The following DUOXA2 variants were observed in gnomAD, a reference collection of about 807,000 sequenced individuals.
DUOXA2 encodes the protein dual oxidase maturation factor 2.
In DUOXA2, 22 loss-of-function variants were observed where a neutral mutation model predicts 27.6. The observed-to-expected ratio is 0.80, with a 90% confidence interval of 0.57 to 1.14. The LOEUF is 1.14. Ranked by LOEUF, DUOXA2 falls within the 50% of genes most tolerant of loss-of-function variation. The pLI, the probability that DUOXA2 is intolerant of heterozygous loss-of-function variation, is 0.00. For synonymous variants in DUOXA2, 188 were observed against 184.4 expected (o/e 1.02, Z -0.16); for missense variants, 481 against 419.9 (o/e 1.15, Z -1.27).
In DUOXA2 at chr15:45,116,215, C is replaced by CA; in HGVS notation, c.297_298insA (p.Arg100ThrfsTer10). On this transcript the variant is annotated frameshift_variant, in exon 3 of 6. Coordinates refer to ENST00000323030, the MANE Select transcript of DUOXA2 (RefSeq NM_207581.4). LOFTEE classifies it high-confidence loss of function. Reference sequence around the variant, plus strand: ...GCGCAGCGCGCGTTACAGCCCGTGTCCGTCTGCTCGTGGGCCTGGAGGGCA... The same window carrying CA: ...GCGCAGCGCGCGTTACAGCCCGTGTCACGTCTGCTCGTGGGCCTGGAGGGCA... 2 of 1,614,136 alleles carry CA rather than the reference C, an allele frequency of 1.2e-6. No individual in the cohort carries two copies. The highest frequency in any genetic ancestry group is 1.7e-6 in the Non-Finnish European group (2 of 1,180,038).
chr15:45,115,101 G>T (rs1167378018), intron 1 of DUOXA2, among the ~76,000 whole-genome samples: 3 of 152,162 alleles, frequency 2.0e-5, no homozygotes, highest in Non-Finnish European at 4.4e-5. Flanking sequence ...CATCCGGTGG[G>T]TGATGACCTT....
At chr15:45,117,057 C>T in intron 4 of DUOXA2, 34 bp from the exon 5 acceptor site, 2 of 1,591,776 alleles carry the variant, frequency 1.3e-6, no homozygotes, top group East Asian at 4.5e-5. Flanking sequence ...CTGGGAGAAG[C>T]CCGCTCACAG....
chr15:45,117,731 T>A lies in DUOXA2; in HGVS notation c.785T>A (p.Phe262Tyr). Reference protein sequence around the residue: ...VTLATGVLCLFLGGAVVSLQY... With the variant: ...VTLATGVLCLYLGGAVVSLQY... ...ACCGCCACAGGCGTCCTGTGCCTCT[T>A]CCTCGGAGGGGCCGTGGTGAGTCTC... The change falls in exon 6 of 6, where the codon TTC becomes TAC. Residue 262 changes from phenylalanine to tyrosine, a missense_variant. Physicochemically the swap from Phe to Tyr is conservative, Grantham distance 22 (BLOSUM62 3). Transcript: ENST00000323030. 6.2e-7 allele frequency: 1 copy of A among 1,612,966 alleles called. No homozygotes were observed. Among genetic ancestry groups the A allele is most frequent in the Non-Finnish European group, 8.5e-7 (1 of 1,179,096 alleles).
At chr15:45,116,435 AC>A in intron 3 of DUOXA2, 80 bp from the exon 4 acceptor site, 2 of 1,576,274 alleles carry the variant, frequency 1.3e-6, no homozygotes. Context: ...AGAGCGCCAC[AC>A]CCCCACTTTC....
chr15:45,115,478 C>T (rs763081569), intron 1 of DUOXA2: 2 of 557,872 alleles, frequency 3.6e-6, no homozygotes, highest in African/African-American at 3.7e-5. Context: ...CCTCACCAAG[C>T]AGTGACTGGA....
Position 45,114,366 on chromosome 15 carries a change from A to G in DUOXA2, c.-240A>G, listed in dbSNP as rs1013774801. On this transcript the variant is annotated 5_prime_UTR_variant, in exon 1 of 6. Coordinates refer to ENST00000323030, the MANE Select transcript of DUOXA2 (RefSeq NM_207581.4). ...AACCAGGAAAGTAACGGCTACAGAC[A>G]GTGAGAAATAGTTTCGCTCGCCGGC... 5.2e-6 allele frequency: 3 copies of G among 579,764 alleles called. No individual in the cohort carries two copies. Among genetic ancestry groups the G allele is most frequent in the African/African-American group, 3.7e-5 (2 of 53,508 alleles). 35.9% of individuals were successfully genotyped at this position (579,764 alleles called of 1,614,324 possible). A position where few individuals can be genotyped will look rare whatever the true frequency, so the allele number is the denominator to read the frequency against.
intron 1 of DUOXA2, chr15:45,115,455 T>G (rs750732512): frequency 1.1e-5 from 6 of 527,352 alleles, no homozygotes; most frequent in Non-Finnish European, 2.2e-5. Context: ...CTAGCACTTC[T>G]GGACTCACTG....
chr15:45,116,102 C>T (rs1461150684), intron 2 of DUOXA2, 22 bp from the exon 3 acceptor site: 3 of 1,613,760 alleles, frequency 1.9e-6, no homozygotes, highest in East Asian at 2.2e-5. Context: ...ATCCCACCCC[C>T]ACCGTGTGCC....
In DUOXA2 at chr15:45,116,059, C is replaced by A. The variant is rs560062588; in HGVS notation, c.206-65C>A. The A allele has an allele frequency of 5.0e-6, 8 of 1,611,894 alleles. No individual in the cohort carries two copies. The African/African-American group carries it at 9.3e-5, about 19-fold the overall frequency. On this transcript the variant is annotated intron_variant, in intron 2 of 5. Transcript: ENST00000323030. ...CATCTCTCTGCAGTGTCCCACCTCCCATACCACTCTCTAATTCCATTTTCC... is the reference window on the plus strand; with the variant it reads ...CATCTCTCTGCAGTGTCCCACCTCCAATACCACTCTCTAATTCCATTTTCC...
At chr15:45,116,423 C>G (rs1041625016) in intron 3 of DUOXA2, 93 bp from the exon 4 acceptor site, 4 of 1,565,970 alleles carry the variant, frequency 2.6e-6, no homozygotes, top group African/African-American at 2.7e-5. Context: ...TTTCTCCCGC[C>G]GAGAGCGCCA....
At position 45,117,314 on chromosome 15, in the gene DUOXA2, C is replaced by G; in HGVS notation, c.769+9C>G. The G allele has an allele frequency of 6.3e-7, 1 of 1,583,888 alleles. No individual in the cohort carries two copies. Among genetic ancestry groups the G allele is most frequent in the South Asian group, 1.1e-5 (1 of 87,760 alleles). On this transcript the variant is annotated intron_variant, in intron 5 of 5. Transcript: ENST00000323030. ...GGTCACGCTGGCAACCGGTGAGGACCGAGAGAATGGGCCCCGGGGGCTAAG... is the reference window on the plus strand; with the variant it reads ...GGTCACGCTGGCAACCGGTGAGGACGGAGAGAATGGGCCCCGGGGGCTAAG...
Position 45,114,683 on chromosome 15 carries a change from C to G in DUOXA2, c.78C>G (p.Ile26Met). The G allele has an allele frequency of 6.2e-7, 1 of 1,614,212 alleles. No homozygotes were observed. Among genetic ancestry groups the G allele is most frequent in the East Asian group, 2.2e-5 (1 of 44,884 alleles). Reference sequence around the variant, plus strand: ...CAGGCTTCAGCGTTCCACTGCTCATCGTTATTCTAGTGTTTTTGGCTCTAG... The same window carrying G: ...CAGGCTTCAGCGTTCCACTGCTCATGGTTATTCTAGTGTTTTTGGCTCTAG... ...HAAGFSVPLL[I>M]VILVFLALAA... Residue 26 changes from isoleucine to methionine, a missense_variant, in exon 1 of 6, where the codon ATC (isoleucine) becomes ATG (methionine). Ile to Met is a conservative substitution (Grantham distance 10). Coordinates refer to ENST00000323030, the MANE Select transcript of DUOXA2 (RefSeq NM_207581.4).
chr15:45,114,792 C>T (rs1566980430), intron 1 of DUOXA2, 40 bp downstream of exon 1: 4 of 1,613,934 alleles, frequency 2.5e-6, no homozygotes, highest in Non-Finnish European at 3.4e-6. Context: ...TGGGGGAAGG[C>T]TCATGGGCAG....
chr15:45,117,024 G>A, intron 4 of DUOXA2, 67 bp from the exon 5 acceptor site: 2 of 1,530,984 alleles, frequency 1.3e-6, no homozygotes, highest in South Asian at 1.2e-5. Context: ...AAAGAAGAGC[G>A]CAGCTGTGGG....
At chr15:45,115,199 T>A (rs1028048303) in intron 1 of DUOXA2, among the ~76,000 whole-genome samples, 2 of 152,230 alleles carry the variant, frequency 1.3e-5, no homozygotes, top group African/African-American at 4.8e-5. Flanking sequence ...TGCCTCATCC[T>A]CAGGACTGAG....
intron 4 of DUOXA2, 111 bp downstream of exon 4, chr15:45,116,840 C>T (rs914374331): frequency 7.4e-7 from 1 of 1,344,108 alleles, no homozygotes; most frequent in African/African-American, 1.4e-5. Context: ...CCAGACCCGA[C>T]GCGCTCGGGG....
In DUOXA2 at chr15:45,118,152, A is replaced by G. The variant is rs374545757; in HGVS notation, c.*243A>G. 11 of 1,439,004 alleles carry G rather than the reference A, an allele frequency of 7.6e-6. No homozygotes were observed. In the African/African-American group the frequency reaches 1.3e-4, roughly 17 times the overall value. 89.1% of individuals were successfully genotyped at this position (1,439,004 alleles called of 1,614,324 possible). On this transcript the variant is annotated 3_prime_UTR_variant, in exon 6 of 6. Coordinates refer to ENST00000323030, the MANE Select transcript of DUOXA2 (RefSeq NM_207581.4). ...CATGGCTTCTCCGCGCCGGGGTCGC[A>G]CGTCCTCATGAGCTTCGCTGGGCTG...
chr15:45,115,680 TA>T, intron 1 of DUOXA2, 118 bp from the exon 2 acceptor site: 1 of 1,238,014 alleles, frequency 8.1e-7, no homozygotes, highest in Non-Finnish European at 1.2e-6. Flanking sequence ...AAAGCGTGCC[TA>T]ACATTAGTCT....
Position 45,114,557 on chromosome 15 carries a change from T to C in DUOXA2, c.-49T>C, listed in dbSNP as rs751997415. On this transcript the variant is annotated 5_prime_UTR_variant, in exon 1 of 6. Coordinates refer to ENST00000323030, the MANE Select transcript of DUOXA2 (RefSeq NM_207581.4). ...TCTCCCGCGTCCAGGCAGCCCCAGCTTGCTGGCTTGCCTGCCCGCCTGCGT... is the reference window on the plus strand; with the variant it reads ...TCTCCCGCGTCCAGGCAGCCCCAGCCTGCTGGCTTGCCTGCCCGCCTGCGT... 1 of 1,610,198 alleles carries C rather than the reference T, an allele frequency of 6.2e-7. No homozygotes were observed. Among genetic ancestry groups the C allele is most frequent in the Non-Finnish European group, 8.5e-7 (1 of 1,179,190 alleles).
Sources: allele counts gnomAD v4.1 joint callset (sites outside exome capture counted in the v4.1 genomes callset), GRCh38; gene constraint gnomAD v4.1.1; transcripts MANE v1.5; gene names NCBI Gene and HGNC (gene_info 2026-07-23, HGNC 2026-07-21).